PTPN14: variants seen among roughly 807,000 people sequenced by gnomAD.
PTPN14 encodes the protein tyrosine-protein phosphatase non-receptor type 14.
In PTPN14, 53 loss-of-function variants were observed where a neutral mutation model predicts 126.8. The observed-to-expected ratio is 0.42, with a 90% confidence interval of 0.34 to 0.53. The LOEUF (loss-of-function observed/expected upper bound fraction) is 0.53, where lower values mean the gene tolerates loss of function less well. PTPN14 is among the 20% of genes least tolerant of loss of function. The pLI, the probability that PTPN14 is intolerant of heterozygous loss-of-function variation, is 0.08. For missense variants in PTPN14, 1,257 were observed against 1,552.9 expected, an observed-to-expected ratio of 0.81 and a Z score of 3.20; for synonymous variants, 630 against 599.3, an observed-to-expected ratio of 1.05 and a Z score of -0.75.
chr1:214,403,047 G>C, intron 5 of PTPN14, 94 bp from the exon 6 acceptor site: 1 of 1,247,774 alleles, frequency 8.0e-7, no homozygotes, highest in Non-Finnish European at 1.2e-6. Flanking sequence ...AGATGTTCCT[G>C]ATTAGTCACA....
intron 17 of PTPN14, among the ~76,000 whole-genome samples, chr1:214,367,427 A>G (rs1465927993): frequency 1.3e-5 from 2 of 152,222 alleles, no homozygotes; most frequent in East Asian, 3.8e-4. Context: ...ATTGCTGGAT[A>G]AGTACACATC....
In PTPN14 at chr1:214,400,534, T is replaced by C. The variant is rs142920664; in HGVS notation, c.669+1151A>G. Among the ~76,000 whole-genome samples, 3 of 152,288 alleles carry C rather than the reference T, an allele frequency of 2.0e-5. No homozygotes were observed. In the East Asian group the frequency reaches 5.8e-4, roughly 29 times the overall value. ...CAACATGACCTCAACTGCCCCTGTTTCTCGCAGTCCACATTAAAAAACAAC... is the reference window on the plus strand; with the variant it reads ...CAACATGACCTCAACTGCCCCTGTTCCTCGCAGTCCACATTAAAAAACAAC... On this transcript the variant is annotated intron_variant, in intron 7 of 18. Transcript: ENST00000366956.
chr1:214,465,324 A>G (rs1660610770), intron 1 of PTPN14, among the ~76,000 whole-genome samples: 1 of 152,196 alleles, frequency 6.6e-6, no homozygotes, highest in African/African-American at 2.4e-5. Context: ...AGAAAGTGTT[A>G]GGAGGCTGGG....
chr1:214,364,776 T>A lies in PTPN14; in HGVS notation c.3272-101A>T, dbSNP rs1658041914. ...AGAGAACTGATGGTGAGTGTGTGTG[T>A]GTGTGTGTGTGTGTGTGTGTGTGTG... On this transcript the variant is annotated intron_variant, in intron 17 of 18. Transcript: ENST00000366956. The surrounding 1 kb of genome is among the most constrained non-coding windows in gnomAD (Gnocchi z 4.1). 2.9e-6 allele frequency: 2 copies of A among 700,118 alleles called. No homozygotes were observed. Among genetic ancestry groups the A allele is most frequent in the African/African-American group, 1.9e-5 (1 of 53,364 alleles). 43.4% of individuals were successfully genotyped at this position (700,118 alleles called of 1,614,324 possible). A position where few individuals can be genotyped will look rare whatever the true frequency, so the allele number is the denominator to read the frequency against.
intron 5 of PTPN14, among the ~76,000 whole-genome samples, chr1:214,409,737 GCTCAGTAAGACTT>G (rs1659257887): frequency 2.3e-5 from 1 of 44,216 alleles, no homozygotes; most frequent in Non-Finnish European, 5.2e-5. Flanking sequence ...TACTCCTCAT[GCTCAGTAAGACTT>G]TACTCCTCAT....
At chr1:214,529,673 C>T (rs1014810434) in intron 1 of PTPN14, 1 of 152,264 alleles carries the variant, frequency 6.6e-6, no homozygotes, top group Non-Finnish European at 1.5e-5. Flanking sequence ...CACTTGACGC[C>T]AGGAGTTTGA....
Position 214,383,687 on chromosome 1 carries a change from T to C in PTPN14, c.2168A>G (p.Gln723Arg), listed in dbSNP as rs781022020. 7.4e-6 allele frequency: 12 copies of C among 1,613,452 alleles called. No individual in the cohort carries two copies. The highest frequency in any genetic ancestry group is 8.5e-6 in the Non-Finnish European group (10 of 1,180,036). Reference sequence around the variant, plus strand: ...CATCTTCTCCCGGAGCATGGGGATCTGGGGCACCGATTCTGGAGCCTCCTC... The same window carrying C: ...CATCTTCTCCCGGAGCATGGGGATCCGGGGCACCGATTCTGGAGCCTCCTC... Reference protein sequence around the residue: ...EEEEAPESVPQIPMLREKMEY... With the variant: ...EEEEAPESVPRIPMLREKMEY... The change falls in exon 13 of 19, where the codon CAG (glutamine) becomes CGG (arginine). Residue 723 changes from glutamine to arginine, a missense_variant. By Grantham distance (43) the Gln-to-Arg change is conservative. Coordinates refer to ENST00000366956, the MANE Select transcript of PTPN14 (RefSeq NM_005401.5). This position sits in a 1 kb window ranked among gnomAD's most constrained non-coding sequence, Gnocchi z 4.4.
chr1:214,535,903 T>C (rs1244332839), intron 1 of PTPN14, among the ~76,000 whole-genome samples: 1 of 152,340 alleles, frequency 6.6e-6, no homozygotes, highest in East Asian at 1.9e-4. Flanking sequence ...AATTTATCTT[T>C]ATGACCTACA....
At position 214,364,318 on chromosome 1, in the gene PTPN14, G is replaced by A. The variant is rs1027089753; in HGVS notation, c.3435+194C>T. ...TCCTGTTTTATCTGGGTATCTACAC[G>A]GAGCAGTGGGAGGGCAAAAAGATAA... On this transcript the variant is annotated intron_variant, in intron 18 of 18. Coordinates refer to ENST00000366956, the MANE Select transcript of PTPN14 (RefSeq NM_005401.5). This position sits in a 1 kb window ranked among gnomAD's most constrained non-coding sequence, Gnocchi z 4.1. 6.6e-6 allele frequency among the ~76,000 whole-genome samples: 1 copy of A among 152,018 alleles called. No homozygotes were observed. The highest frequency in any genetic ancestry group is 6.6e-5 in the Admixed American group (1 of 15,266).
intron 3 of PTPN14, among the ~76,000 whole-genome samples, chr1:214,428,217 G>A (rs952445978): frequency 1.3e-5 from 2 of 152,222 alleles, no homozygotes; most frequent in Non-Finnish European, 2.9e-5. Flanking sequence ...GAAGTAGTCA[G>A]AATCCAGACA....
intron 1 of PTPN14, among the ~76,000 whole-genome samples, chr1:214,518,264 T>C (rs75296740): frequency 0.033 from 5,021 of 152,204 alleles, 287 homozygotes; most frequent in East Asian, 0.26. Flanking sequence ...AACTAAAATA[T>C]GACACCAATA....
intron 14 of PTPN14, 78 bp downstream of exon 14, chr1:214,377,881 G>A: frequency 6.7e-7 from 1 of 1,489,636 alleles, no homozygotes; most frequent in Non-Finnish European, 9.1e-7. Context: ...TCTCAATGCT[G>A]GCATATTCGG....
intron 3 of PTPN14, among the ~76,000 whole-genome samples, chr1:214,435,817 T>C (rs1248691939): frequency 6.6e-6 from 1 of 152,208 alleles, no homozygotes; most frequent in African/African-American, 2.4e-5. Flanking sequence ...AAATCAGCCA[T>C]GGTAGAAAGC....
chr1:214,372,108 A>T (rs1421096885), intron 16 of PTPN14: 1 of 152,446 alleles, frequency 6.6e-6, no homozygotes, highest in Non-Finnish European at 1.5e-5. Flanking sequence ...CACCGACTGG[A>T]TTGACTGGCA....
intron 2 of PTPN14, among the ~76,000 whole-genome samples, chr1:214,461,272 A>G (rs993026484): frequency 6.6e-6 from 1 of 152,214 alleles, no homozygotes; most frequent in African/African-American, 2.4e-5. Flanking sequence ...TTTATGATAT[A>G]CCTAAACTAC....
intron 1 of PTPN14, among the ~76,000 whole-genome samples, chr1:214,477,435 C>T (rs1354723220): frequency 6.6e-6 from 1 of 152,204 alleles, no homozygotes; most frequent in African/African-American, 2.4e-5. Context: ...AGACACACAA[C>T]ACACACATAC....
chr1:214,410,933 G>A (rs1313138273), intron 5 of PTPN14, among the ~76,000 whole-genome samples: 3 of 152,058 alleles, frequency 2.0e-5, no homozygotes. Context: ...TGGGCTATTT[G>A]GGGTCTTTGG....
rs979134695 is a variant in PTPN14, at chr1:214,354,504, T to C, written c.*3418A>G. ...GCTACCAGATACTCTTGCTAAAAGA[T>C]GGTATATCCAGTATATCCTTAGAAC... On this transcript the variant is annotated 3_prime_UTR_variant, in exon 19 of 19. Coordinates refer to ENST00000366956, the MANE Select transcript of PTPN14 (RefSeq NM_005401.5). 6.6e-6 allele frequency: 1 copy of C among 152,216 alleles called. No individual in the cohort carries two copies. The highest frequency in any genetic ancestry group is 1.5e-5 in the Non-Finnish European group (1 of 68,030). The allele number at this position is 152,216 out of a possible 1,614,324, so 9.4% of individuals were successfully genotyped here. A position where few individuals can be genotyped will look rare whatever the true frequency, so the allele number is the denominator to read the frequency against.
At chr1:214,378,534 TA>T (rs889826134) in intron 13 of PTPN14, among the ~76,000 whole-genome samples, 1 of 151,934 alleles carries the variant, frequency 6.6e-6, no homozygotes, top group African/African-American at 2.4e-5. Flanking sequence ...GCAAAACTTG[TA>T]AAACAGTTTG....
Sources: gnomAD v4.1 joint callset for allele counts (sites outside exome capture counted in the v4.1 genomes callset) on GRCh38, gnomAD v4.1.1 for gene constraint, Gnocchi (gnomAD v3.1) non-coding constraint, MANE v1.5 for transcripts, NCBI Gene and HGNC (gene_info 2026-07-23, HGNC 2026-07-21) for gene names.